FDX1: variants seen among roughly 807,000 people sequenced by gnomAD.
FDX1 encodes adrenodoxin, mitochondrial.
FDX1 carries 9 observed loss-of-function variants against 14.9 expected under a neutral mutation model. The ratio of observed to expected loss-of-function variants is 0.60; its 90% CI spans 0.36 to 1.05. FDX1 has a LOEUF of 1.05. FDX1 is among the 50% of genes least tolerant of loss of function. The pLI, the probability that FDX1 is intolerant of heterozygous loss-of-function variation, is 0.01. For synonymous variants in FDX1, 92 were observed against 99.4 expected (o/e 0.93, Z 0.44); for missense variants, 204 against 237.2 (o/e 0.86, Z 0.92).
At chr11:110,453,992 T>G (rs1451461632) in intron 2 of FDX1, among the ~76,000 whole-genome samples, 1 of 152,208 alleles carries the variant, frequency 6.6e-6, no homozygotes, top group Non-Finnish European at 1.5e-5. Context: ...GCAAGTTTTT[T>G]TGGCAGAAAA....
chr11:110,442,832 C>T (rs1028710769), intron 2 of FDX1, among the ~76,000 whole-genome samples: 7 of 152,086 alleles, frequency 4.6e-5, no homozygotes, highest in Admixed American at 2.6e-4. Context: ...AGCCATGTCC[C>T]CTCCTATCCA....
intron 1 of FDX1, 55 bp downstream of exon 1, chr11:110,430,360 G>A: frequency 8.9e-7 from 1 of 1,124,496 alleles, no homozygotes; most frequent in Non-Finnish European, 1.1e-6. Flanking sequence ...CCGGTGGGTG[G>A]CGCCTGGCTC....
Position 110,430,158 on chromosome 11 carries a change from C to T in FDX1, c.38C>T (p.Ala13Val). The change falls in exon 1 of 4, where the codon GCT (alanine) becomes GTT (valine). Residue 13 changes from alanine (A) to valine (V), a missense_variant. By Grantham distance (64) the Ala-to-Val change is moderately conservative. Transcript: ENST00000260270. ...GGGGGCGCCCGGCTGCTGCGCGCCG[C>T]TTCTGCTGTCCTCGGCGGCCCGGCC... is the stretch of plus-strand genomic sequence containing the variant. ...AAGGARLLRAASAVLGGPAGR... is the reference protein window; with the variant it reads ...AAGGARLLRAVSAVLGGPAGR... 1 of 1,242,156 alleles carries T rather than the reference C, an allele frequency of 8.1e-7. No homozygotes were observed. Among genetic ancestry groups the T allele is most frequent in the Non-Finnish European group, 1.0e-6 (1 of 996,312 alleles). 76.9% of individuals were successfully genotyped at this position (1,242,156 alleles called of 1,614,324 possible).
Position 110,444,721 on chromosome 11 carries a change from T to C in FDX1, c.310+8763T>C, listed in dbSNP as rs1309867287. Among the ~76,000 whole-genome samples the C allele has an allele frequency of 3.0e-3, 161 of 52,830 alleles. 5 individuals are homozygous for C. Among genetic ancestry groups the C allele is most frequent in the African/African-American group, 4.3e-3 (48 of 11,248 alleles). The allele number at this position is 52,830 out of a possible 152,430, so 34.7% of individuals were successfully genotyped here. A position where few individuals can be genotyped will look rare whatever the true frequency, so the allele number is the denominator to read the frequency against. The stretch of plus-strand genomic sequence containing the variant: ...ATATATATACGTATATATATATATA[T>C]ACGTATATATATATATATATATACA... On this transcript the variant is annotated intron_variant, in intron 2 of 3. Coordinates refer to ENST00000260270, the MANE Select transcript of FDX1 (RefSeq NM_004109.5).
At chr11:110,429,612 T>A (rs1946314380), upstream of FDX1, among the ~76,000 whole-genome samples, 2 of 152,180 alleles carry the variant, frequency 1.3e-5, no homozygotes, top group South Asian at 4.1e-4. Context: ...CTGTTTTTGT[T>A]TTACAGTGGG....
chr11:110,448,488 A>G (rs1277492901), intron 2 of FDX1, among the ~76,000 whole-genome samples: 2 of 152,208 alleles, frequency 1.3e-5, no homozygotes, highest in Non-Finnish European at 2.9e-5. Flanking sequence ...AATGATCTTA[A>G]TATGAGATGC....
intron 2 of FDX1, among the ~76,000 whole-genome samples, chr11:110,447,858 TGTCACA>T: frequency 6.6e-6 from 1 of 152,356 alleles, no homozygotes; most frequent in Admixed American, 6.5e-5. Flanking sequence ...TTATAGTATT[TGTCACA>T]GTTTAGTAAT....
At chr11:110,461,680 A>C (rs1289537537) in intron 3 of FDX1, among the ~76,000 whole-genome samples, 2 of 152,084 alleles carry the variant, frequency 1.3e-5, no homozygotes, top group Non-Finnish European at 2.9e-5. Flanking sequence ...ACTATTTTGA[A>C]AAGTAGGTAA....
intron 1 of FDX1, among the ~76,000 whole-genome samples, chr11:110,433,699 A>G (rs1183792186): frequency 1.3e-5 from 2 of 152,038 alleles, no homozygotes; most frequent in Admixed American, 1.3e-4. Context: ...TGTGAAAAGA[A>G]GTTGGAGAGC....
At chr11:110,431,474 TAATCCC>T (rs1426324611) in intron 1 of FDX1, among the ~76,000 whole-genome samples, 1 of 152,180 alleles carries the variant, frequency 6.6e-6, no homozygotes, top group East Asian at 1.9e-4. Context: ...TTTTCCCCAC[TAATCCC>T]GTTATCTAGT....
At chr11:110,442,314 A>C (rs1389730429) in intron 2 of FDX1, among the ~76,000 whole-genome samples, 1 of 152,278 alleles carries the variant, frequency 6.6e-6, no homozygotes, top group Admixed American at 6.5e-5. Flanking sequence ...AGAATGGTAG[A>C]TCCACTGACA....
At chr11:110,448,021 TA>T (rs1946462776) in intron 2 of FDX1, among the ~76,000 whole-genome samples, 1 of 152,244 alleles carries the variant, frequency 6.6e-6, no homozygotes, top group Non-Finnish European at 1.5e-5. Flanking sequence ...AGTTCAAACT[TA>T]TAAACATTCT....
Position 110,435,922 on chromosome 11 carries a change from G to A in FDX1, c.274G>A (p.Val92Ile), listed in dbSNP as rs375998812. ...KGKVGDSLLDVVVENNLDIDG... is the reference protein window; with the variant it reads ...KGKVGDSLLDIVVENNLDIDG... The stretch of plus-strand genomic sequence containing the variant: ...AAAAGTTGGTGATTCTCTGCTAGAT[G>A]TTGTGGTTGAAAATAATCTAGATAT... The change falls in exon 2 of 4, where the codon GTT becomes ATT. Residue 92 changes from valine (V) to isoleucine (I), a missense_variant. By Grantham distance (29) the Val-to-Ile change is conservative. Coordinates refer to ENST00000260270, the MANE Select transcript of FDX1 (RefSeq NM_004109.5). 1.7e-5 allele frequency: 27 copies of A among 1,612,490 alleles called. No homozygotes were observed. In the East Asian group the frequency reaches 2.5e-4, roughly 15 times the overall value.
At chr11:110,450,220 A>G (rs971615266) in intron 2 of FDX1, among the ~76,000 whole-genome samples, 1 of 152,130 alleles carries the variant, frequency 6.6e-6, no homozygotes, top group African/African-American at 2.4e-5. Context: ...AAATAATTAT[A>G]CAACTCATCA....
chr11:110,450,354 C>G (rs1565383520), intron 2 of FDX1, among the ~76,000 whole-genome samples: 1 of 151,948 alleles, frequency 6.6e-6, no homozygotes, highest in East Asian at 1.9e-4. Context: ...AGGGTGCACC[C>G]TAGATCCCCC....
intron 2 of FDX1, among the ~76,000 whole-genome samples, chr11:110,454,343 G>A (rs1175492133): frequency 2.0e-5 from 3 of 152,170 alleles, no homozygotes; most frequent in Non-Finnish European, 4.4e-5. Flanking sequence ...AGAACAGGTT[G>A]GTAACTCTTC....
chr11:110,443,832 A>AT (rs1946420939), intron 2 of FDX1, among the ~76,000 whole-genome samples: 1 of 148,510 alleles, frequency 6.7e-6, no homozygotes, highest in African/African-American at 2.5e-5. Flanking sequence ...GATGTGGAGC[A>AT]TTTTTTTCAT....
At chr11:110,452,823 G>A (rs1266114027) in intron 2 of FDX1, among the ~76,000 whole-genome samples, 1 of 152,188 alleles carries the variant, frequency 6.6e-6, no homozygotes, top group Non-Finnish European at 1.5e-5. Context: ...AGTGAAAGAA[G>A]CCAGTTTCAG....
At chr11:110,443,424 G>A (rs1323463092) in intron 2 of FDX1, among the ~76,000 whole-genome samples, 2 of 146,074 alleles carry the variant, frequency 1.4e-5, no homozygotes, top group Admixed American at 6.8e-5. Context: ...GTGGTTTTTG[G>A]ACTTAATAAT....
Sources: gnomAD v4.1 joint callset for allele counts (sites outside exome capture counted in the v4.1 genomes callset) on GRCh38, gnomAD v4.1.1 for gene constraint, MANE v1.5 for transcripts, NCBI Gene and HGNC (gene_info 2026-07-23, HGNC 2026-07-21) for gene names.